The following GNAS variants were observed in gnomAD, a reference collection of about 807,000 sequenced individuals.
GNAS encodes protein ALEX.
In GNAS, 8 loss-of-function variants were observed where a neutral mutation model predicts 54.5. The ratio of observed to expected loss-of-function variants is 0.15; its 90% CI spans 0.09 to 0.26. The LOEUF (loss-of-function observed/expected upper bound fraction) is 0.26, where lower values mean the gene tolerates loss of function less well. Among genes scored for constraint, GNAS ranks in the 10% least tolerant of loss-of-function variants. The probability of loss-of-function intolerance (pLI) is 1.00; values close to 1 mark genes in which losing one functional copy is unlikely to be tolerated. For synonymous variants in GNAS, 204 were observed against 191.4 expected (o/e 1.07, Z -0.54); for missense variants, 170 against 529.8 (o/e 0.32, Z 6.67).
At chr20:58,890,207 G>A (rs549835436), upstream of GNAS, among the ~76,000 whole-genome samples, 5 of 151,686 alleles carry the variant, frequency 3.3e-5, no homozygotes, top group East Asian at 5.8e-4. Context: ...TGAAGAAGAA[G>A]AAGAAGAAGG....
chr20:58,867,581 G>A (rs1412475977), intron 1 of GNAS: 1 of 152,288 alleles, frequency 6.6e-6, no homozygotes, highest in South Asian at 2.1e-4. Context: ...TCCTAGAATA[G>A]TACAAACAGC....
chr20:58,841,262 G>A lies in GNAS; in HGVS notation c.43+376G>A. ...TGCGCGCTTTTCTTCCTCCTAGAAAGACTAGTCTCAAATAAGTTGGCCTTC... is the reference window on the plus strand; with the variant it reads ...TGCGCGCTTTTCTTCCTCCTAGAAAAACTAGTCTCAAATAAGTTGGCCTTC... On this transcript the variant is annotated intron_variant, in intron 1 of 12. Transcript: ENST00000306090. This position sits in a 1 kb window ranked among gnomAD's most constrained non-coding sequence, Gnocchi z 5.0. The A allele has an allele frequency of 1.0e-6, 1 of 995,038 alleles. No individual in the cohort carries two copies. 61.6% of individuals were successfully genotyped at this position (995,038 alleles called of 1,614,324 possible). A position where few individuals can be genotyped will look rare whatever the true frequency, so the allele number is the denominator to read the frequency against.
chr20:58,891,943 G>GC (rs2089418989), intron 1 of GNAS, 78 bp downstream of exon 1: 3 of 867,620 alleles, frequency 3.5e-6, no homozygotes, highest in African/African-American at 1.9e-5. Context: ...CGCCGAGCCC[G>GC]CCCCCCGCCC....
chr20:58,899,065 AC>A, intron 3 of GNAS, 80 bp downstream of exon 3: 1 of 1,066,056 alleles, frequency 9.4e-7, no homozygotes, highest in Non-Finnish European at 1.5e-6. Context: ...GAGGCCAGAG[AC>A]CCGGGAAGAA....
intron 1 of GNAS, among the ~76,000 whole-genome samples, chr20:58,869,376 T>C (rs2087284186): frequency 6.6e-6 from 1 of 152,232 alleles, no homozygotes; most frequent in Non-Finnish European, 1.5e-5. Flanking sequence ...GGAAATCAAA[T>C]GGTAGGGCCC....
intron 1 of GNAS, among the ~76,000 whole-genome samples, chr20:58,851,185 C>T (rs1470117205): frequency 3.3e-5 from 5 of 152,202 alleles, no homozygotes; most frequent in Non-Finnish European, 4.4e-5. Context: ...GGATCCCAAA[C>T]GTTTCCCAGG....
intron 1 of GNAS, among the ~76,000 whole-genome samples, chr20:58,882,046 A>G (rs2088255669): frequency 6.6e-6 from 1 of 151,570 alleles, no homozygotes. Context: ...GTCCATCTCC[A>G]TTTTCTTTTT....
At chr20:58,908,914 C>CT in intron 6 of GNAS, 3 of 596,640 alleles carry the variant, frequency 5.0e-6, no homozygotes, top group Non-Finnish European at 9.2e-6. Context: ...AGGCTAGCTG[C>CT]TAGACGCATC....
intron 2 of GNAS, chr20:58,898,594 A>G (rs1273905091): frequency 1.1e-5 from 4 of 372,542 alleles, no homozygotes; most frequent in African/African-American, 2.0e-5. Context: ...TATTCTCCAA[A>G]GAATTGTGAG....
chr20:58,892,148 TCTCCC>T, intron 1 of GNAS: 5 of 955,764 alleles, frequency 5.2e-6, no homozygotes, highest in Non-Finnish European at 6.2e-6. Context: ...TCGCTCTCGC[TCTCCC>T]CCTCTTTCTC....
chr20:58,894,935 T>A (rs2089900338), intron 1 of GNAS, among the ~76,000 whole-genome samples: 1 of 152,130 alleles, frequency 6.6e-6, no homozygotes, highest in East Asian at 1.9e-4. Context: ...AGCAACATAG[T>A]TGTACCCAGA....
At chr20:58,878,118 T>C (rs1364488661) in intron 1 of GNAS, among the ~76,000 whole-genome samples, 1 of 152,228 alleles carries the variant, frequency 6.6e-6, no homozygotes, top group Non-Finnish European at 1.5e-5. Flanking sequence ...GAGCCTCTGG[T>C]GCAGACTTAC....
chr20:58,908,881 T>C, intron 6 of GNAS: 1 of 536,944 alleles, frequency 1.9e-6, no homozygotes, highest in Non-Finnish European at 3.4e-6. Context: ...GCTGTTTGTG[T>C]GGCCCCACTG....
chr20:58,855,862 G>A, intron 1 of GNAS: 1 of 555,588 alleles, frequency 1.8e-6, no homozygotes. Context: ...TTCCTATCCC[G>A]GCACCCCCAA....
At chr20:58,901,874 G>C (rs955163563) in intron 3 of GNAS, among the ~76,000 whole-genome samples, 1 of 122,538 alleles carries the variant, frequency 8.2e-6, no homozygotes, top group Non-Finnish European at 1.6e-5. Context: ...TGACTGCCCT[G>C]CCCTGCTCGT....
intron 1 of GNAS, among the ~76,000 whole-genome samples, chr20:58,894,465 C>T (rs546603609): frequency 3.4e-4 from 52 of 152,234 alleles, no homozygotes; most frequent in African/African-American, 1.2e-3. Context: ...AGGAGGAATG[C>T]TGTGCTATCT....
At chr20:58,847,793 T>C (rs1486804253) in intron 1 of GNAS, among the ~76,000 whole-genome samples, 2 of 152,242 alleles carry the variant, frequency 1.3e-5, no homozygotes, top group Non-Finnish European at 2.9e-5. Context: ...CTTTGTTGGC[T>C]ACAGGGATAA....
intron 1 of GNAS, chr20:58,850,844 C>A: frequency 2.5e-6 from 1 of 398,838 alleles, no homozygotes; most frequent in Non-Finnish European, 4.4e-6. Flanking sequence ...CACCCGCCCC[C>A]CACCGGCTTC....
chr20:58,855,306 A>T (rs1385329120), intron 1 of GNAS: 2 of 1,579,130 alleles, frequency 1.3e-6, no homozygotes, highest in African/African-American at 2.7e-5. Context: ...GATGGGCTAC[A>T]TGTGTACGCA....
Sources: gnomAD v4.1 joint callset for allele counts (sites outside exome capture counted in the v4.1 genomes callset) on GRCh38, gnomAD v4.1.1 for gene constraint, Gnocchi (gnomAD v3.1) non-coding constraint, MANE v1.5 for transcripts, NCBI Gene and HGNC (gene_info 2026-07-23, HGNC 2026-07-21) for gene names.